ECPAS: variants seen among roughly 807,000 people sequenced by gnomAD.
The protein encoded by ECPAS is proteasome adapter and scaffold protein ECM29.
In ECPAS, 70 loss-of-function variants were observed where a neutral mutation model predicts 255.1. The observed-to-expected ratio is 0.27, with a 90% CI of 0.23 to 0.33. The LOEUF (loss-of-function observed/expected upper bound fraction) is 0.33. Ranked by LOEUF, ECPAS falls within the 10% of genes least tolerant of loss-of-function variation. The probability of loss-of-function intolerance (pLI) is 1.00; values close to 1 mark genes in which losing one functional copy is unlikely to be tolerated. For missense variants in ECPAS, 1,817 were observed against 2,206.4 expected, an observed-to-expected ratio of 0.82 and a Z score of 3.54; for synonymous variants, 784 against 775.0, an observed-to-expected ratio of 1.01 and a Z score of -0.19.
intron 48 of ECPAS, among the ~76,000 whole-genome samples, chr9:111,365,096 C>G (rs2098118612): frequency 1.3e-5 from 2 of 151,576 alleles, no homozygotes; most frequent in African/African-American, 4.9e-5. Context: ...CATGGTGAAA[C>G]CCCGTCTCTA....
At chr9:111,400,216 G>A (rs1177856596) in intron 24 of ECPAS, among the ~76,000 whole-genome samples, 1 of 152,182 alleles carries the variant, frequency 6.6e-6, no homozygotes, top group African/African-American at 2.4e-5. Context: ...CTCTAGTGCT[G>A]AAACAACTGC....
intron 29 of ECPAS, among the ~76,000 whole-genome samples, chr9:111,390,867 C>T (rs999939845): frequency 3.3e-5 from 5 of 152,322 alleles, no homozygotes; most frequent in African/African-American, 1.2e-4. Flanking sequence ...TAAAGAATTA[C>T]ACCCACCCAA....
intron 2 of ECPAS, among the ~76,000 whole-genome samples, chr9:111,462,696 T>C (rs2098274545): frequency 6.6e-6 from 1 of 151,718 alleles, no homozygotes; most frequent in Non-Finnish European, 1.5e-5. Flanking sequence ...CTAACTATAA[T>C]TCATAAGATC....
At chr9:111,435,095 C>T (rs2098236058) in intron 7 of ECPAS, among the ~76,000 whole-genome samples, 1 of 150,808 alleles carries the variant, frequency 6.6e-6, no homozygotes, top group African/African-American at 2.4e-5. Context: ...GACGGGGTCT[C>T]ACTCTGTTGC....
intron 24 of ECPAS, among the ~76,000 whole-genome samples, chr9:111,402,276 T>C (rs531367349): frequency 1.1e-4 from 17 of 152,280 alleles, no homozygotes; most frequent in Admixed American, 1.0e-3. Flanking sequence ...ATATAAAGGA[T>C]AAATGAAGAC....
At chr9:111,458,043 T>C (rs1353203873) in intron 2 of ECPAS, among the ~76,000 whole-genome samples, 2 of 152,152 alleles carry the variant, frequency 1.3e-5, no homozygotes, top group African/African-American at 4.8e-5. Flanking sequence ...ATTAAAAAAG[T>C]ATAAAATTCC....
chr9:111,402,211 C>T (rs2098177231), intron 24 of ECPAS, among the ~76,000 whole-genome samples: 1 of 152,164 alleles, frequency 6.6e-6, no homozygotes, highest in African/African-American at 2.4e-5. Context: ...TGTTCTTCTG[C>T]CACAGCTTCA....
chr9:111,389,381 T>C (rs1265411912), intron 31 of ECPAS, among the ~76,000 whole-genome samples, 175 bp downstream of exon 31: 5 of 152,212 alleles, frequency 3.3e-5, no homozygotes, highest in Non-Finnish European at 5.9e-5. Flanking sequence ...AATGTTGCCA[T>C]ACACATCTTT....
At chr9:111,395,109 T>C (rs1001440145) in intron 25 of ECPAS, among the ~76,000 whole-genome samples, 4 of 152,174 alleles carry the variant, frequency 2.6e-5, no homozygotes, top group Non-Finnish European at 5.9e-5. Context: ...CCGCCCCTTG[T>C]CCCTTCATAA....
rs188658489 is a variant in ECPAS at position 111,378,918 on chromosome 9, T to C, written c.3804-188A>G. Among the ~76,000 whole-genome samples, 6 of 152,302 alleles carry C rather than the reference T, an allele frequency of 3.9e-5. No individual in the cohort carries two copies. The East Asian group carries it at 9.6e-4, about 24-fold the overall frequency. ...ACCTTGAAGCATATATAGAGGTAGG[T>C]AGAATGATAAATGAAGTAGGAAAAG... On this transcript the variant is annotated intron_variant, in intron 35 of 49. Coordinates refer to ENST00000684092, the MANE Select transcript of ECPAS (RefSeq NM_001364929.1).
chr9:111,440,930 C>T (rs1380404164), intron 5 of ECPAS, among the ~76,000 whole-genome samples: 1 of 151,882 alleles, frequency 6.6e-6, no homozygotes, highest in Non-Finnish European at 1.5e-5. Flanking sequence ...TTTGGGAGGC[C>T]GAGGCGGGCA....
chr9:111,414,502 AGAT>A lies in ECPAS; in HGVS notation c.1911_1913del (p.Ser638del), dbSNP rs1343276087. Reference sequence around the variant, plus strand: ...CAGGGTTAGTCTCCCCACTCTTGTTAGATGATGAGGGTGCCATCTGCCCGCTTG... The same window carrying A: ...CAGGGTTAGTCTCCCCACTCTTGTTAGATGAGGGTGCCATCTGCCCGCTTG... On this transcript the variant is annotated inframe_deletion, in exon 19 of 50. Transcript: ENST00000684092. 1.9e-6 allele frequency: 3 copies of A among 1,613,900 alleles called. No individual in the cohort carries two copies. Among genetic ancestry groups the A allele is most frequent in the Non-Finnish European group, 2.5e-6 (3 of 1,179,882 alleles).
At chr9:111,468,234 C>T (rs2098281857) in intron 2 of ECPAS, among the ~76,000 whole-genome samples, 1 of 152,106 alleles carries the variant, frequency 6.6e-6, no homozygotes, top group African/African-American at 2.4e-5. Context: ...CAGTACCTGC[C>T]TGTAAAGAAC....
chr9:111,388,136 G>C (rs1336833961), intron 31 of ECPAS, among the ~76,000 whole-genome samples: 1 of 151,838 alleles, frequency 6.6e-6, no homozygotes, highest in Non-Finnish European at 1.5e-5. Flanking sequence ...CACTTTTGTA[G>C]GTAGGAAAGG....
At chr9:111,370,400 G>A in intron 45 of ECPAS, 35 bp downstream of exon 45, 1 of 1,396,958 alleles carries the variant, frequency 7.2e-7, no homozygotes, top group Non-Finnish European at 9.7e-7. Context: ...TCTTTTTAAA[G>A]TATAAACCAG....
At chr9:111,409,823 T>C (rs532200260) in intron 23 of ECPAS, among the ~76,000 whole-genome samples, 29 of 152,146 alleles carry the variant, frequency 1.9e-4, no homozygotes, top group Non-Finnish European at 3.8e-4. Context: ...AAGACCTAAA[T>C]TGGAATGACT....
chr9:111,414,981 A>G (rs2098200947), intron 18 of ECPAS, among the ~76,000 whole-genome samples: 1 of 152,188 alleles, frequency 6.6e-6, no homozygotes, highest in Non-Finnish European at 1.5e-5. Context: ...GAGTTAGATG[A>G]TAAGAACTTC....
chr9:111,397,125 A>G lies in ECPAS; in HGVS notation c.2681T>C (p.Ile894Thr), dbSNP rs762491194. 2.5e-6 allele frequency: 4 copies of G among 1,613,960 alleles called. No individual in the cohort carries two copies. The highest frequency in any genetic ancestry group is 2.7e-5 in the African/African-American group (2 of 75,074). The stretch of plus-strand genomic sequence containing the variant: ...TGCAGCACTGGTAATGGCTTCGCCA[A>G]TAGTGAACTGAAGTTCTATCTGCTT... The part of the protein sequence containing the change: ...EAKQIELQFT[I>T]GEAITSAAIG... The change falls in exon 25 of 50, where the codon ATT becomes ACT. Residue 894 changes from isoleucine (I) to threonine (T), a missense_variant. This residue lies in a region of ECPAS where 960 missense variants were observed against 1,179.0 expected (regional missense o/e 0.81). Coordinates refer to ENST00000684092, the MANE Select transcript of ECPAS (RefSeq NM_001364929.1).
Position 111,362,099 on chromosome 9 carries a change from C to T in ECPAS, c.5451G>A (p.Glu1817=), listed in dbSNP as rs369961247. 1.2e-6 allele frequency: 2 copies of T among 1,611,724 alleles called. No homozygotes were observed. The highest frequency in any genetic ancestry group is 2.7e-5 in the African/African-American group (2 of 74,558). The part of the protein sequence containing the change: ...VLLIESLATM[E]PDSRPELQEK... ...CCTGCAGTTCAGGTCTGCTGTCTGG[C>T]TCCATAGTAGCTAAAGACTCAATTA... The change falls in exon 50 of 50, where the codon GAG becomes GAA. Residue 1817 remains glutamate (E), a synonymous_variant. Coordinates refer to ENST00000684092, the MANE Select transcript of ECPAS (RefSeq NM_001364929.1).
Sources: allele counts gnomAD v4.1 joint callset (sites outside exome capture counted in the v4.1 genomes callset), GRCh38; gene constraint gnomAD v4.1.1; regional missense constraint gnomAD v4.1.1; transcripts MANE v1.5; gene names NCBI Gene and HGNC (gene_info 2026-07-23, HGNC 2026-07-21).